Variants in DST observed in about 807,000 individuals in gnomAD.
DST encodes dystonin, also known as bullous pemphigoid antigen.
In DST, 253 loss-of-function variants were observed where a neutral mutation model predicts 875.2. The ratio of observed to expected loss-of-function variants is 0.29; its 90% CI spans 0.26 to 0.32. DST has a LOEUF of 0.32. Ranked by LOEUF, DST falls within the 10% of genes least tolerant of loss-of-function variation. DST has a pLI of 1.00. For missense variants in DST, 8,287 were observed against 9,111.6 expected (o/e 0.91, Z 3.68); for synonymous variants, 3,124 against 3,197.1 (o/e 0.98, Z 0.77).
chr6:56,466,395 T>G (rs2094577407), intron 98 of DST, 200 bp from the exon 99 acceptor site: 1 of 381,918 alleles, frequency 2.6e-6, no homozygotes, highest in Admixed American at 4.4e-5. Flanking sequence ...GGAAACAGTT[T>G]GAAAAAAAAA....
At chr6:56,732,642 T>C (rs576054191) in intron 5 of DST, among the ~76,000 whole-genome samples, 5 of 152,248 alleles carry the variant, frequency 3.3e-5, no homozygotes, top group Admixed American at 6.5e-5. Context: ...TTGCCAGTTA[T>C]ATAAACTTTT....
chr6:56,723,136 G>C (rs565859085), intron 5 of DST, among the ~76,000 whole-genome samples: 3 of 152,272 alleles, frequency 2.0e-5, no homozygotes, highest in South Asian at 4.1e-4. Context: ...ATATCATTCT[G>C]GGGGGCTGGC....
intron 22 of DST, among the ~76,000 whole-genome samples, chr6:56,638,711 C>T (rs1324867928): frequency 6.6e-6 from 1 of 152,152 alleles, no homozygotes; most frequent in Non-Finnish European, 1.5e-5. Flanking sequence ...ATGTTCACTG[C>T]ACATTATAAA....
chr6:56,738,971 T>C (rs71564851), intron 4 of DST, among the ~76,000 whole-genome samples: 4 of 151,802 alleles, frequency 2.6e-5, no homozygotes, highest in Non-Finnish European at 4.4e-5. Flanking sequence ...CCCCAGGCAC[T>C]TTGCTTAAAA....
chr6:56,863,363 A>C (rs1366712806), intron 3 of DST: 1 of 152,234 alleles, frequency 6.6e-6, no homozygotes, highest in Non-Finnish European at 1.5e-5. Flanking sequence ...TATTCTACTT[A>C]AAAGCACAAA....
intron 61 of DST, chr6:56,542,428 TAAAAAAAAAAAA>T (rs60688419): frequency 1.3e-4 from 9 of 68,090 alleles, no homozygotes; most frequent in African/African-American, 5.9e-4. Context: ...TAAGCTTCTT[TAAAAAAAAAAAA>T]AAAAAAAAAA....
chr6:56,871,525 T>C (rs1480929762), intron 3 of DST: 18 of 1,321,282 alleles, frequency 1.4e-5, no homozygotes, highest in Non-Finnish European at 1.8e-5. Flanking sequence ...GTAGATTCTC[T>C]GGTCATTGAG....
chr6:56,503,594 T>TACACAC (rs10637850), intron 78 of DST, among the ~76,000 whole-genome samples: 27,085 of 140,700 alleles, frequency 0.19, 2,633 homozygotes, highest in African/African-American at 0.21. Context: ...TACCTATACA[T>TACACAC]ACACACACAC....
intron 10 of DST, among the ~76,000 whole-genome samples, chr6:56,666,745 T>C (rs1048041435): frequency 2.0e-4 from 31 of 151,830 alleles, no homozygotes; most frequent in African/African-American, 7.2e-4. Flanking sequence ...CTCTTTTTTT[T>C]TTTTTTTTGA....
At chr6:56,649,140 G>A (rs2098960448) in intron 12 of DST, among the ~76,000 whole-genome samples, 1 of 152,076 alleles carries the variant, frequency 6.6e-6, no homozygotes, top group Non-Finnish European at 1.5e-5. Context: ...CCAATATATA[G>A]GAAACCAGAT....
intron 9 of DST, among the ~76,000 whole-genome samples, chr6:56,678,274 C>T (rs1474666485): frequency 6.6e-6 from 1 of 152,230 alleles, no homozygotes; most frequent in African/African-American, 2.4e-5. Context: ...TGGATCTCAT[C>T]ATCTTGAACC....
intron 4 of DST, among the ~76,000 whole-genome samples, chr6:56,786,820 C>T (rs2099706394): frequency 6.6e-6 from 1 of 152,074 alleles, no homozygotes; most frequent in Non-Finnish European, 1.5e-5. Context: ...CACTCCCAAC[C>T]CCAATACCTT....
chr6:56,631,266 C>T lies in DST; in HGVS notation c.4087G>A (p.Val1363Met), dbSNP rs1304993895. Residue 1363 changes from valine (V) to methionine (M), a missense_variant, in exon 30 of 104, where the codon GTG (valine) becomes ATG (methionine). Around this residue, in one of 10 missense-constraint regions of DST, gnomAD observed 3,138 missense variants for 3,116.6 expected, o/e 1.01. Coordinates refer to ENST00000680361, the MANE Select transcript of DST (RefSeq NM_001374736.1). The part of the protein sequence containing the change: ...SVPTLRSELN[V>M]VLQNMNQVYS... Reference sequence around the variant, plus strand: ...ACTTGGTTCATGTTCTGAAGGACCACATTAAGCTCTGATCGTAGGGTAGGG... The same window carrying T: ...ACTTGGTTCATGTTCTGAAGGACCATATTAAGCTCTGATCGTAGGGTAGGG... 2 of 1,613,958 alleles carry T rather than the reference C, an allele frequency of 1.2e-6. No homozygotes were observed. The highest frequency in any genetic ancestry group is 1.7e-6 in the Non-Finnish European group (2 of 1,179,902).
chr6:56,508,164 G>T (rs754709429), intron 75 of DST, among the ~76,000 whole-genome samples: 3 of 152,162 alleles, frequency 2.0e-5, no homozygotes, highest in African/African-American at 7.2e-5. Flanking sequence ...CCTCGAACTA[G>T]CTGGTACTAC....
intron 4 of DST, among the ~76,000 whole-genome samples, chr6:56,786,618 T>C (rs2099706104): frequency 6.6e-6 from 1 of 152,198 alleles, no homozygotes; most frequent in Non-Finnish European, 1.5e-5. Context: ...CTGCAACCTC[T>C]GCCTCCTGGG....
At chr6:56,836,424 A>G (rs1227433964) in intron 4 of DST, among the ~76,000 whole-genome samples, 3 of 152,204 alleles carry the variant, frequency 2.0e-5, no homozygotes, top group South Asian at 2.1e-4. Context: ...ACTGTTTTGC[A>G]ATTTTAAATT....
At chr6:56,600,379 T>C (rs961887313) in intron 44 of DST, among the ~76,000 whole-genome samples, 158 bp from the exon 45 acceptor site, 5 of 151,972 alleles carry the variant, frequency 3.3e-5, no homozygotes, top group African/African-American at 1.2e-4. Flanking sequence ...CTGAGCAAGG[T>C]GAGACAGAAA....
At chr6:56,628,658 CAT>C (rs1315729638) in intron 32 of DST, among the ~76,000 whole-genome samples, 1 of 152,166 alleles carries the variant, frequency 6.6e-6, no homozygotes, top group Non-Finnish European at 1.5e-5. Flanking sequence ...AGAGATAACA[CAT>C]ATTTGAACAT....
At chr6:56,590,776 C>A (rs1049069979) in intron 49 of DST, among the ~76,000 whole-genome samples, 1 of 152,196 alleles carries the variant, frequency 6.6e-6, no homozygotes, top group Non-Finnish European at 1.5e-5. Context: ...GTGCCCTCCA[C>A]CCTCTTGACC....
Sources: gnomAD v4.1 joint callset for allele counts (sites outside exome capture counted in the v4.1 genomes callset) on GRCh38, gnomAD v4.1.1 for gene constraint, gnomAD v4.1.1 regional missense constraint, MANE v1.5 for transcripts, NCBI Gene and HGNC (gene_info 2026-07-23, HGNC 2026-07-21) for gene names.